Variants in VIPR2 observed in about 807,000 individuals in gnomAD.
VIPR2 encodes the protein vasoactive intestinal peptide receptor 2.
In VIPR2, 48 loss-of-function variants were observed where a neutral mutation model predicts 58.0. The observed-to-expected ratio is 0.83, with a 90% CI of 0.66 to 1.05. The LOEUF (loss-of-function observed/expected upper bound fraction) is 1.05, where lower values mean the gene tolerates loss of function less well. Ranked by LOEUF, VIPR2 falls within the 50% of genes least tolerant of loss-of-function variation. The pLI is 0.00. For synonymous variants in VIPR2, 243 were observed against 235.2 expected (o/e 1.03, Z -0.30); for missense variants, 534 against 558.0 (o/e 0.96, Z 0.43).
At position 159,099,107 on chromosome 7, in the gene VIPR2, C is replaced by T. The variant is rs1361895730; in HGVS notation, c.357+4650G>A. On this transcript the variant is annotated intron_variant, in intron 4 of 12. Coordinates refer to ENST00000262178, the MANE Select transcript of VIPR2 (RefSeq NM_003382.5). This position sits in a 1 kb window ranked among gnomAD's most constrained non-coding sequence, Gnocchi z 4.2. ...CCAACCAAGTATTCAAAGTATTCAA[C>T]GAGCAGAAACTGCAACAGGAAGAAA... is the stretch of plus-strand genomic sequence containing the variant. 3.3e-5 allele frequency among the ~76,000 whole-genome samples: 5 copies of T among 152,236 alleles called. No homozygotes were observed. The highest frequency in any genetic ancestry group is 2.1e-4 in the South Asian group (1 of 4,834).
intron 2 of VIPR2, among the ~76,000 whole-genome samples, chr7:159,118,089 G>A (rs7780644): frequency 0.083 from 12,662 of 152,158 alleles, 597 homozygotes; most frequent in Middle Eastern, 0.12. Context: ...CCCAGTCATC[G>A]AATACTCCCC....
rs905004088 is a variant in VIPR2 at position 159,098,739 on chromosome 7, G to A, written c.357+5018C>T. On this transcript the variant is annotated intron_variant, in intron 4 of 12. Transcript: ENST00000262178. The surrounding 1 kb of genome is among the most constrained non-coding windows in gnomAD (Gnocchi z 5.2). Reference sequence around the variant, plus strand: ...TAGCCAAGTCTGTGGCTTCTGTGGAGGCTAATTTTTTTTCTCGAATTTAAT... The same window carrying A: ...TAGCCAAGTCTGTGGCTTCTGTGGAAGCTAATTTTTTTTCTCGAATTTAAT... Among the ~76,000 whole-genome samples the A allele has an allele frequency of 1.1e-4, 17 of 152,304 alleles. No individual in the cohort carries two copies. The highest frequency in any genetic ancestry group is 3.4e-3 in the Middle Eastern group (1 of 294).
chr7:159,031,970 T>A lies in VIPR2; in HGVS notation c.1069A>T (p.Ile357Leu). 6.2e-7 allele frequency: 1 copy of A among 1,614,132 alleles called. No individual in the cohort carries two copies. Residue 357 changes from isoleucine to leucine, a missense_variant, in exon 11 of 13, where the codon ATA (isoleucine) becomes TTA (leucine). Ile to Leu is a conservative substitution (Grantham distance 5, BLOSUM62 2). Transcript: ENST00000262178. This position sits in a 1 kb window ranked among gnomAD's most constrained non-coding sequence, Gnocchi z 4.0. The stretch of plus-strand genomic sequence containing the variant: ...GACCCGAGGCACAGCTCAAACAGTA[T>A]CTGGTATTTGGAGGAGATGCTGATG... ...FPISISSKYQ[I>L]LFELCLGSFQ...
intron 10 of VIPR2, among the ~76,000 whole-genome samples, chr7:159,033,540 A>G (rs1853719803): frequency 1.3e-5 from 2 of 152,240 alleles, no homozygotes; most frequent in Non-Finnish European, 2.9e-5. Flanking sequence ...ATTACTTTAT[A>G]GATTCCCCGG....
At chr7:159,043,882 G>A (rs2129493515) in intron 5 of VIPR2, among the ~76,000 whole-genome samples, 1 of 152,308 alleles carries the variant, frequency 6.6e-6, no homozygotes, top group South Asian at 2.1e-4. Flanking sequence ...CAAACATCAG[G>A]TCCTCTGATA....
At chr7:159,082,454 G>A (rs1038824003) in intron 4 of VIPR2, among the ~76,000 whole-genome samples, 14 of 152,170 alleles carry the variant, frequency 9.2e-5, no homozygotes, top group Admixed American at 3.3e-4. Flanking sequence ...ATCACACACC[G>A]GGGACTGTTG....
chr7:159,061,484 TAAA>T (rs906979415), intron 4 of VIPR2, among the ~76,000 whole-genome samples: 13 of 150,282 alleles, frequency 8.7e-5, no homozygotes, highest in African/African-American at 3.2e-4. Context: ...CCCGTCTCCA[TAAA>T]AAAAATGGAA....
rs559300731 is a variant in VIPR2 at position 159,031,100 on chromosome 7, T to G, written c.1144-311A>C. Among the ~76,000 whole-genome samples the G allele has an allele frequency of 1.2e-4, 18 of 152,290 alleles. No individual in the cohort carries two copies. In the South Asian group the frequency reaches 3.7e-3, roughly 32 times the overall value. Reference sequence around the variant, plus strand: ...TAATATTTCTCTGAAAAGATTTTCCTTAGCAGCCGGGGTTGTGACGGTGCT... The same window carrying G: ...TAATATTTCTCTGAAAAGATTTTCCGTAGCAGCCGGGGTTGTGACGGTGCT... On this transcript the variant is annotated intron_variant, in intron 12 of 12. Coordinates refer to ENST00000262178, the MANE Select transcript of VIPR2 (RefSeq NM_003382.5). The surrounding 1 kb of genome is among the most constrained non-coding windows in gnomAD (Gnocchi z 4.0).
chr7:159,112,307 C>T (rs546312067), intron 2 of VIPR2, among the ~76,000 whole-genome samples: 2 of 152,172 alleles, frequency 1.3e-5, no homozygotes, highest in African/African-American at 2.4e-5. Context: ...GAAGCGGACT[C>T]GAGGGCGTCA....
rs1797149801 is a variant in VIPR2, at chr7:159,135,014, T to TTTTTTTG, written c.151+7431_151+7432insCAAAAAA. Among the ~76,000 whole-genome samples the TTTTTTTG allele has an allele frequency of 2.5e-5, 3 of 121,686 alleles. No individual in the cohort carries two copies. In the East Asian group the frequency reaches 6.4e-4, roughly 26 times the overall value. 79.8% of individuals were successfully genotyped at this position (121,686 alleles called of 152,430 possible). A position where few individuals can be genotyped will look rare whatever the true frequency, so the allele number is the denominator to read the frequency against. On this transcript the variant is annotated intron_variant, in intron 2 of 12. Coordinates refer to ENST00000262178, the MANE Select transcript of VIPR2 (RefSeq NM_003382.5). Reference sequence around the variant, plus strand: ...CTCTTAATTACAAAAGTTTTTTTTTTTTTTTTTTTTTTTTTTAACATTTTA... The same window carrying TTTTTTTG: ...CTCTTAATTACAAAAGTTTTTTTTTTTTTTTTGTTTTTTTTTTTTTTTTAACATTTTA...
chr7:159,126,784 A>G (rs375451651), intron 2 of VIPR2, among the ~76,000 whole-genome samples: 27 of 152,352 alleles, frequency 1.8e-4, no homozygotes, highest in African/African-American at 6.0e-4. Context: ...CATGGTTTTC[A>G]GACAAGTTTC....
chr7:159,089,718 G>A (rs66942973), intron 4 of VIPR2, among the ~76,000 whole-genome samples: 52,414 of 152,044 alleles, frequency 0.34, 10,594 homozygotes, highest in African/African-American at 0.57. Flanking sequence ...AACAACAACA[G>A]CAAAAACCTG....
At chr7:159,084,015 C>T (rs1264509646) in intron 4 of VIPR2, among the ~76,000 whole-genome samples, 3 of 152,258 alleles carry the variant, frequency 2.0e-5, no homozygotes, top group Admixed American at 1.3e-4. Flanking sequence ...TCCCAGCCCA[C>T]TTCAGCCCCC....
At chr7:159,117,105 G>A (rs1327294385) in intron 2 of VIPR2, 4 of 565,986 alleles carry the variant, frequency 7.1e-6, no homozygotes, top group South Asian at 4.5e-5. Flanking sequence ...CTCACACTGG[G>A]GAGGAGACCA....
intron 4 of VIPR2, among the ~76,000 whole-genome samples, chr7:159,061,736 G>T (rs889710817): frequency 6.6e-6 from 1 of 152,190 alleles, no homozygotes; most frequent in Non-Finnish European, 1.5e-5. Flanking sequence ...TTTACTGGGC[G>T]CCCACCAGGG....
At chr7:159,037,867 A>G (rs1217371153) in intron 6 of VIPR2, among the ~76,000 whole-genome samples, 9 of 152,208 alleles carry the variant, frequency 5.9e-5, no homozygotes, top group East Asian at 5.8e-4. Context: ...ATTTATGTTC[A>G]TATCTATAGA....
At chr7:159,032,642 A>G (rs570418004) in intron 10 of VIPR2, among the ~76,000 whole-genome samples, 1 of 152,274 alleles carries the variant, frequency 6.6e-6, no homozygotes, top group South Asian at 2.1e-4. Flanking sequence ...CTTGGCCCCT[A>G]TCCAGGGAGG....
intron 2 of VIPR2, among the ~76,000 whole-genome samples, chr7:159,137,623 G>T (rs374352895): frequency 6.6e-6 from 1 of 152,090 alleles, no homozygotes; most frequent in African/African-American, 2.4e-5. Context: ...CTCCTGCCTC[G>T]ATCTCCCAAA....
At chr7:159,134,341 C>A (rs1797106731) in intron 2 of VIPR2, among the ~76,000 whole-genome samples, 1 of 151,802 alleles carries the variant, frequency 6.6e-6, no homozygotes, top group Non-Finnish European at 1.5e-5. Context: ...AAGATGAAAG[C>A]AAACAACTGT....
Sources: gnomAD v4.1 joint callset for allele counts (sites outside exome capture counted in the v4.1 genomes callset) on GRCh38, gnomAD v4.1.1 for gene constraint, Gnocchi (gnomAD v3.1) non-coding constraint, MANE v1.5 for transcripts, NCBI Gene and HGNC (gene_info 2026-07-23, HGNC 2026-07-21) for gene names.